The following SPECC1 variants were observed in gnomAD, a reference collection of about 807,000 sequenced individuals.
SPECC1 encodes cytospin-B.
SPECC1 carries 62 observed loss-of-function variants against 104.1 expected under a neutral mutation model. That is an observed-to-expected ratio of 0.60 (90% confidence interval 0.49 to 0.74). The LOEUF (loss-of-function observed/expected upper bound fraction) is 0.74. Ranked by LOEUF, SPECC1 falls within the 30% of genes least tolerant of loss-of-function variation. The pLI is 0.00. For missense variants in SPECC1, 1,306 were observed against 1,310.5 expected (o/e 1.00, Z 0.05); for synonymous variants, 513 against 501.6 (o/e 1.02, Z -0.30).
At chr17:20,210,619 A>G (rs2037077033) in intron 4 of SPECC1, among the ~76,000 whole-genome samples, 1 of 152,164 alleles carries the variant, frequency 6.6e-6, no homozygotes, top group Non-Finnish European at 1.5e-5. Flanking sequence ...CAAAATTGGG[A>G]TTCTGTTAGG....
chr17:20,195,697 A>G (rs111479972), intron 3 of SPECC1, among the ~76,000 whole-genome samples: 132 of 152,232 alleles, frequency 8.7e-4, no homozygotes, highest in African/African-American at 3.1e-3. Flanking sequence ...AGCTGAGACT[A>G]CAGGCACCAG....
At position 20,207,035 on chromosome 17, in the gene SPECC1, C is replaced by G. The variant is rs550568797; in HGVS notation, c.1863+1123C>G. Among the ~76,000 whole-genome samples the G allele has an allele frequency of 1.1e-4, 17 of 152,280 alleles. No homozygotes were observed. In the East Asian group the frequency reaches 3.3e-3, roughly 29 times the overall value. On this transcript the variant is annotated intron_variant, in intron 4 of 14. Coordinates refer to ENST00000395527, the MANE Select transcript of SPECC1 (RefSeq NM_001243439.2). Reference sequence around the variant, plus strand: ...TGATTTTATGATATTCTGCCCACCTCCCAGAGCAGTGCTGGAGAGGTGCAG... The same window carrying G: ...TGATTTTATGATATTCTGCCCACCTGCCAGAGCAGTGCTGGAGAGGTGCAG...
intron 13 of SPECC1, among the ~76,000 whole-genome samples, chr17:20,298,499 A>AG (rs1358079876): frequency 3.3e-5 from 5 of 152,160 alleles, no homozygotes; most frequent in Admixed American, 6.5e-5. Flanking sequence ...GTGCTGATCC[A>AG]GGGAAGTGGA....
At chr17:20,301,717 C>G (rs2041590359) in intron 13 of SPECC1, among the ~76,000 whole-genome samples, 1 of 151,892 alleles carries the variant, frequency 6.6e-6, no homozygotes, top group African/African-American at 2.4e-5. Flanking sequence ...GTTGTTGTTG[C>G]TGTTTTGAGA....
At chr17:20,101,427 C>CT (rs1264619306) in intron 2 of SPECC1, among the ~76,000 whole-genome samples, 1 of 152,166 alleles carries the variant, frequency 6.6e-6, no homozygotes, top group East Asian at 1.9e-4. Context: ...TGATGATGAG[C>CT]TTTTTTTCAT....
At chr17:20,153,599 G>C (rs1382805309) in intron 3 of SPECC1, among the ~76,000 whole-genome samples, 1 of 152,204 alleles carries the variant, frequency 6.6e-6, no homozygotes, top group Non-Finnish European at 1.5e-5. Flanking sequence ...TGCAGGACTT[G>C]ACTAGATATT....
At chr17:20,020,932 C>G (rs1401233733) in intron 1 of SPECC1, among the ~76,000 whole-genome samples, 4 of 152,114 alleles carry the variant, frequency 2.6e-5, no homozygotes, top group Non-Finnish European at 5.9e-5. Context: ...TTTTGACTCC[C>G]AAAACTTAAC....
intron 7 of SPECC1, among the ~76,000 whole-genome samples, chr17:20,244,560 A>G (rs895830472): frequency 6.6e-6 from 1 of 152,136 alleles, no homozygotes; most frequent in Non-Finnish European, 1.5e-5. Flanking sequence ...AACTGTTTTA[A>G]GTTCTGTTTC....
chr17:20,089,412 A>G (rs550976757), intron 1 of SPECC1, among the ~76,000 whole-genome samples: 1 of 152,104 alleles, frequency 6.6e-6, no homozygotes, highest in African/African-American at 2.4e-5. Flanking sequence ...GGATCACTTG[A>G]GCCCATGAGT....
intron 3 of SPECC1, among the ~76,000 whole-genome samples, chr17:20,157,688 A>G (rs545754172): frequency 2.0e-5 from 3 of 152,268 alleles, no homozygotes; most frequent in Non-Finnish European, 4.4e-5. Context: ...CAATTTTTTT[A>G]GTGACCTTAC....
chr17:20,073,649 T>C (rs914872119), intron 1 of SPECC1: 1 of 152,196 alleles, frequency 6.6e-6, no homozygotes, highest in Non-Finnish European at 1.5e-5. Flanking sequence ...AGTGGCTGAC[T>C]TGCTGATTGA....
At chr17:20,105,068 T>C (rs560752097) in intron 2 of SPECC1, among the ~76,000 whole-genome samples, 1 of 152,112 alleles carries the variant, frequency 6.6e-6, no homozygotes, top group African/African-American at 2.4e-5. Flanking sequence ...GGCACAACTC[T>C]AGAGATACGC....
intron 12 of SPECC1, among the ~76,000 whole-genome samples, chr17:20,290,703 CGTGAGGTTTCACCAT>C (rs979664530): frequency 2.6e-5 from 4 of 151,854 alleles, no homozygotes; most frequent in African/African-American, 9.7e-5. Context: ...TTTTGGTAGA[CGTGAGGTTTCACCAT>C]GTTGCCCAGG....
At chr17:20,149,530 C>T (rs1431630634) in intron 3 of SPECC1, among the ~76,000 whole-genome samples, 1 of 152,222 alleles carries the variant, frequency 6.6e-6, no homozygotes, top group East Asian at 1.9e-4. Flanking sequence ...GTTGTCACAG[C>T]TCATTGCTGG....
At chr17:20,192,879 G>A (rs1226511977) in intron 3 of SPECC1, among the ~76,000 whole-genome samples, 1 of 152,134 alleles carries the variant, frequency 6.6e-6, no homozygotes, top group East Asian at 1.9e-4. Context: ...TTTGTTACAG[G>A]AAAGGGGGCC....
intron 12 of SPECC1, among the ~76,000 whole-genome samples, chr17:20,279,286 G>A (rs1360527935): frequency 1.3e-5 from 2 of 151,640 alleles, no homozygotes; most frequent in East Asian, 1.9e-4. Flanking sequence ...GAAGGTTAAC[G>A]GAGTTGAAGG....
intron 10 of SPECC1, 150 bp from the exon 11 acceptor site, chr17:20,257,301 C>A: frequency 1.2e-6 from 1 of 859,648 alleles, no homozygotes; most frequent in Non-Finnish European, 1.7e-6. Context: ...GTAGAATCCA[C>A]ATCCCTATTG....
chr17:20,272,147 T>C (rs76309839), intron 12 of SPECC1, among the ~76,000 whole-genome samples: 17,759 of 152,176 alleles, frequency 0.12, 1,080 homozygotes, highest in Non-Finnish European at 0.13. Flanking sequence ...AATTCATGAC[T>C]TTATTTTCTG....
chr17:20,156,256 G>A (rs1280085362), intron 3 of SPECC1: 3 of 1,341,346 alleles, frequency 2.2e-6, no homozygotes, highest in Non-Finnish European at 2.9e-6. Flanking sequence ...GCTGGCGGGG[G>A]TCGCGCCGCA....
Sources: allele counts gnomAD v4.1 joint callset (sites outside exome capture counted in the v4.1 genomes callset), GRCh38; gene constraint gnomAD v4.1.1; transcripts MANE v1.5; gene names NCBI Gene and HGNC (gene_info 2026-07-23, HGNC 2026-07-21).